Variants in CDH13 observed in about 807,000 individuals in gnomAD.
CDH13 encodes cadherin-13.
A neutral mutation model predicts 63.8 loss-of-function variants in CDH13; 24 were observed. The observed-to-expected ratio is 0.38, with a 90% CI of 0.27 to 0.53. The LOEUF (loss-of-function observed/expected upper bound fraction) is 0.53. Ranked by LOEUF, CDH13 falls within the 20% of genes least tolerant of loss-of-function variation. The pLI, the probability that CDH13 is intolerant of heterozygous loss-of-function variation, is 0.85. For missense variants in CDH13, 1,049 were observed against 903.1 expected, an observed-to-expected ratio of 1.16 and a Z score of -2.07; for synonymous variants, 503 against 355.3, an observed-to-expected ratio of 1.42 and a Z score of -4.67.
At chr16:82,924,872 G>A (rs1314132686) in intron 2 of CDH13, among the ~76,000 whole-genome samples, 5 of 151,854 alleles carry the variant, frequency 3.3e-5, no homozygotes, top group South Asian at 2.1e-4. Context: ...TTACCCCCTC[G>A]TTAAAGCTGG....
At chr16:83,261,027 G>A (rs1313830070) in intron 5 of CDH13, among the ~76,000 whole-genome samples, 4 of 151,938 alleles carry the variant, frequency 2.6e-5, no homozygotes, top group Non-Finnish European at 5.9e-5. Context: ...ATGTCCTTTG[G>A]CCCTTGCAGT....
At chr16:83,128,847 A>T (rs905365203) in intron 4 of CDH13, among the ~76,000 whole-genome samples, 1 of 152,226 alleles carries the variant, frequency 6.6e-6, no homozygotes, top group South Asian at 2.1e-4. Context: ...TGTGTTGCCC[A>T]TACTTGTTCT....
chr16:82,995,305 C>T (rs1312155876), intron 2 of CDH13, among the ~76,000 whole-genome samples: 1 of 152,230 alleles, frequency 6.6e-6, no homozygotes. Flanking sequence ...AGACTACTTT[C>T]TCCAGCCACC....
chr16:83,235,874 T>A (rs1428930617), intron 5 of CDH13, among the ~76,000 whole-genome samples: 2 of 152,052 alleles, frequency 1.3e-5, no homozygotes, highest in Non-Finnish European at 2.9e-5. Flanking sequence ...GCATTCGAGG[T>A]CCTTAAACTT....
intron 5 of CDH13, among the ~76,000 whole-genome samples, chr16:83,255,527 G>A (rs917907522): frequency 5.3e-5 from 8 of 152,288 alleles, no homozygotes; most frequent in South Asian, 2.1e-4. Context: ...AATGGGCTAC[G>A]TGTCCCGCAG....
At chr16:82,757,146 A>T (rs919517068) in intron 1 of CDH13, among the ~76,000 whole-genome samples, 5 of 152,102 alleles carry the variant, frequency 3.3e-5, no homozygotes, top group African/African-American at 1.2e-4. Flanking sequence ...TCCATGCTGT[A>T]TTGTATCCTA....
intron 10 of CDH13, among the ~76,000 whole-genome samples, chr16:83,742,257 G>T (rs1421826224): frequency 6.6e-6 from 1 of 152,142 alleles, no homozygotes; most frequent in Non-Finnish European, 1.5e-5. Flanking sequence ...CTTCCAGGGT[G>T]GCGCAGGCCC....
chr16:83,115,725 A>G (rs2035261701), intron 3 of CDH13, among the ~76,000 whole-genome samples: 1 of 152,224 alleles, frequency 6.6e-6, no homozygotes, highest in Non-Finnish European at 1.5e-5. Flanking sequence ...CCTTGCTAAA[A>G]ATATCTCCTC....
intron 3 of CDH13, among the ~76,000 whole-genome samples, chr16:83,097,609 C>G (rs1212747191): frequency 2.6e-5 from 4 of 152,276 alleles, no homozygotes; most frequent in Non-Finnish European, 4.4e-5. Context: ...CACAGCTTGC[C>G]TGACTGGGAT....
At chr16:83,049,543 G>T (rs985664041) in intron 3 of CDH13, among the ~76,000 whole-genome samples, 3 of 151,966 alleles carry the variant, frequency 2.0e-5, no homozygotes, top group Admixed American at 6.6e-5. Flanking sequence ...CACCGTGTTA[G>T]CCAGGATGGT....
intron 2 of CDH13, among the ~76,000 whole-genome samples, chr16:82,998,843 A>G (rs1027328633): frequency 2.0e-5 from 3 of 147,974 alleles, no homozygotes; most frequent in African/African-American, 5.0e-5. Context: ...AAACGCTGCC[A>G]TGTAATTTCC....
Position 83,678,282 on chromosome 16 carries a change from C to A in CDH13, c.1359C>A (p.Asp453Glu), listed in dbSNP as rs34697339. The change falls in exon 10 of 14, where the codon GAC (aspartate) becomes GAA (glutamate). Residue 453 changes from aspartate to glutamate, a missense_variant. By Grantham distance (45) the Asp-to-Glu change is conservative (BLOSUM62 2). Transcript: ENST00000567109. ...KVENEDPLVP[D>E]VSYGPSSTAT... ...AAAATGAAGACCCACTCGTACCCGA[C>A]GTCTCCTACGGCCCCAGCTCCACAG... is the stretch of plus-strand genomic sequence containing the variant. 1.2e-6 allele frequency: 2 copies of A among 1,613,882 alleles called. No homozygotes were observed. Among genetic ancestry groups the A allele is most frequent in the Non-Finnish European group, 1.7e-6 (2 of 1,179,886 alleles).
chr16:83,755,119 A>G (rs1169831242), intron 11 of CDH13, among the ~76,000 whole-genome samples: 1 of 152,204 alleles, frequency 6.6e-6, no homozygotes, highest in African/African-American at 2.4e-5. Context: ...AGATTCAAGC[A>G]GAGAGAATTA....
At chr16:83,541,008 T>C in intron 7 of CDH13, among the ~76,000 whole-genome samples, 1 of 152,158 alleles carries the variant, frequency 6.6e-6, no homozygotes, top group Non-Finnish European at 1.5e-5. Flanking sequence ...GGTGAAAAGA[T>C]GTAGAAATTG....
intron 1 of CDH13, among the ~76,000 whole-genome samples, chr16:82,837,362 C>A (rs905601577): frequency 6.6e-6 from 1 of 152,120 alleles, no homozygotes; most frequent in African/African-American, 2.4e-5. Flanking sequence ...TGGCACAGAA[C>A]AAATGAATGA....
intron 7 of CDH13, among the ~76,000 whole-genome samples, chr16:83,591,356 A>C (rs1386071236): frequency 6.6e-6 from 1 of 152,168 alleles, no homozygotes; most frequent in African/African-American, 2.4e-5. Flanking sequence ...ATTACTTTTT[A>C]TTTTACTTCA....
intron 6 of CDH13, among the ~76,000 whole-genome samples, chr16:83,405,134 C>CA (rs34772600): frequency 2.4e-3 from 331 of 139,018 alleles, no homozygotes; most frequent in South Asian, 4.3e-3. Flanking sequence ...CTCTAGCTCT[C>CA]AAAAAAAAAA....
chr16:82,880,639 C>T (rs1182510996), intron 2 of CDH13, among the ~76,000 whole-genome samples: 1 of 152,116 alleles, frequency 6.6e-6, no homozygotes, highest in East Asian at 1.9e-4. Context: ...GCCAACGGTG[C>T]CTGATTAGCA....
chr16:83,257,014 T>C (rs1906378074), intron 5 of CDH13, among the ~76,000 whole-genome samples: 1 of 152,086 alleles, frequency 6.6e-6, no homozygotes. Context: ...GCCCTTGGGA[T>C]TTGTTACCTG....
Sources: gnomAD v4.1 joint callset for allele counts (sites outside exome capture counted in the v4.1 genomes callset) on GRCh38, gnomAD v4.1.1 for gene constraint, MANE v1.5 for transcripts, NCBI Gene and HGNC (gene_info 2026-07-23, HGNC 2026-07-21) for gene names.